Variants in GLIS3 observed in about 807,000 individuals in gnomAD.
The protein encoded by GLIS3 is zinc finger protein GLIS3.
A neutral mutation model predicts 78.6 loss-of-function variants in GLIS3; 53 were observed. That is an observed-to-expected ratio of 0.67 (90% CI 0.54 to 0.85). GLIS3 has a LOEUF of 0.85. Ranked by LOEUF, GLIS3 falls within the 40% of genes least tolerant of loss-of-function variation. GLIS3 has a pLI of 0.00. For synonymous variants in GLIS3, 684 were observed against 509.9 expected, an observed-to-expected ratio of 1.34 and a Z score of -4.60; for missense variants, 1,703 against 1,231.1, an observed-to-expected ratio of 1.38 and a Z score of -5.74.
At chr9:3,882,666 C>T (rs1821812177) in intron 7 of GLIS3, among the ~76,000 whole-genome samples, 1 of 152,200 alleles carries the variant, frequency 6.6e-6, no homozygotes, top group African/African-American at 2.4e-5. Flanking sequence ...AGCCCACATC[C>T]ATAGCCCTTC....
chr9:4,179,607 T>C (rs891386617), intron 2 of GLIS3, among the ~76,000 whole-genome samples: 2 of 152,130 alleles, frequency 1.3e-5, no homozygotes, highest in African/African-American at 4.8e-5. Context: ...TTAAAGATCA[T>C]CGTTTAAAAG....
At chr9:4,242,503 C>G (rs778632574) in intron 2 of GLIS3, among the ~76,000 whole-genome samples, 1 of 152,188 alleles carries the variant, frequency 6.6e-6, no homozygotes, top group Admixed American at 6.5e-5. Context: ...CTGATTCCGG[C>G]TACCTGCTGG....
At chr9:4,151,965 T>A (rs1416395886) in intron 2 of GLIS3, 1 of 162,162 alleles carries the variant, frequency 6.2e-6, no homozygotes, top group Admixed American at 6.5e-5. Flanking sequence ...AAACATCACG[T>A]AAAATTCAAT....
intron 2 of GLIS3, among the ~76,000 whole-genome samples, chr9:4,259,609 T>C (rs1395140812): frequency 6.6e-6 from 1 of 152,162 alleles, no homozygotes; most frequent in Non-Finnish European, 1.5e-5. Flanking sequence ...CAAAGTTAAA[T>C]GGGTGTGCTT....
chr9:4,350,932 T>C (rs1199101837), upstream of GLIS3, among the ~76,000 whole-genome samples: 4 of 152,234 alleles, frequency 2.6e-5, no homozygotes, highest in Non-Finnish European at 5.9e-5. Context: ...ACAAGGGCTC[T>C]TTGATCAATA....
At chr9:4,144,502 G>A (rs536824474) in intron 2 of GLIS3, among the ~76,000 whole-genome samples, 6 of 152,192 alleles carry the variant, frequency 3.9e-5, no homozygotes, top group East Asian at 1.9e-4. Flanking sequence ...TAATTAGATG[G>A]TTGTTTATAC....
chr9:4,393,766 GTACA>G, the GLIS3 span, among the ~76,000 whole-genome samples: 2 of 152,106 alleles, frequency 1.3e-5, no homozygotes, highest in Non-Finnish European at 2.9e-5. Flanking sequence ...ATATCAGGAG[GTACA>G]TTATGTTAGT....
At chr9:4,296,991 T>C (rs1816586852) in intron 1 of GLIS3, among the ~76,000 whole-genome samples, 1 of 151,376 alleles carries the variant, frequency 6.6e-6, no homozygotes, top group Non-Finnish European at 1.5e-5. Context: ...ACCTTCATCG[T>C]GGCGGATTCT....
In GLIS3 at chr9:3,829,332, G is replaced by C; in HGVS notation, c.2634C>G (p.Phe878Leu). 1.9e-6 allele frequency: 3 copies of C among 1,614,060 alleles called. No individual in the cohort carries two copies. The African/African-American group carries it at 4.0e-5, about 22-fold the overall frequency. ...CACCTGTAATGCCCGAGTGAGTCGA[G>C]AAGGCTCTGTGGAAAACATCAAAAC... The part of the protein sequence containing the change: ...QASFDVFHRA[F>L]STHSGITVYD... The change falls in exon 10 of 11, where the codon TTC (phenylalanine) becomes TTG (leucine). Residue 878 changes from phenylalanine (F) to leucine (L), a missense_variant. By Grantham distance (22) the Phe-to-Leu change is conservative. Coordinates refer to ENST00000381971, the MANE Select transcript of GLIS3 (RefSeq NM_001042413.2).
chr9:3,986,445 T>C (rs1005057365), intron 4 of GLIS3, among the ~76,000 whole-genome samples: 2 of 152,246 alleles, frequency 1.3e-5, no homozygotes, highest in Non-Finnish European at 2.9e-5. Flanking sequence ...AGCAGATTTA[T>C]GAAAACTGTG....
chr9:4,447,661 C>A, the GLIS3 span, among the ~76,000 whole-genome samples: 1 of 152,178 alleles, frequency 6.6e-6, no homozygotes, highest in African/African-American at 2.4e-5. Flanking sequence ...CTGACCTTTG[C>A]CTCCAGGTAC....
intron 2 of GLIS3, among the ~76,000 whole-genome samples, chr9:4,163,389 A>T (rs1354186675): frequency 2.0e-5 from 3 of 152,198 alleles, no homozygotes; most frequent in African/African-American, 7.2e-5. Context: ...ATTTAACATA[A>T]CAATTTCATT....
At chr9:4,332,442 C>T (rs765801449) in intron 2 of GLIS3, among the ~76,000 whole-genome samples, 5 of 152,198 alleles carry the variant, frequency 3.3e-5, no homozygotes, top group East Asian at 1.9e-4. Context: ...AGTATGGCCA[C>T]GTGACTAAGT....
intron 4 of GLIS3, among the ~76,000 whole-genome samples, chr9:4,034,029 C>T (rs187414066): frequency 8.6e-4 from 130 of 151,962 alleles, no homozygotes; most frequent in African/African-American, 3.1e-3. Context: ...CAATAACAGC[C>T]TAGGCAACAT....
chr9:4,059,744 G>C (rs1031434730), intron 4 of GLIS3, among the ~76,000 whole-genome samples: 10 of 151,264 alleles, frequency 6.6e-5, no homozygotes, highest in African/African-American at 2.4e-4. Context: ...CTTTGCCAGG[G>C]ATGAAAGCAG....
chr9:3,833,263 C>T (rs1255440776), intron 9 of GLIS3, among the ~76,000 whole-genome samples: 2 of 152,176 alleles, frequency 1.3e-5, no homozygotes, highest in African/African-American at 2.4e-5. Flanking sequence ...TAAATCTCTC[C>T]AAGTAGCCAG....
At chr9:4,268,621 T>C (rs1826225127) in intron 2 of GLIS3, among the ~76,000 whole-genome samples, 3 of 152,240 alleles carry the variant, frequency 2.0e-5, no homozygotes, top group African/African-American at 7.2e-5. Context: ...TTATTATTCA[T>C]AGGTATAATC....
the GLIS3 span, among the ~76,000 whole-genome samples, chr9:4,443,361 C>T: frequency 0.33 from 50,893 of 152,052 alleles, 8,702 homozygotes; most frequent in Middle Eastern, 0.46. Context: ...AAATATAAAT[C>T]TACTTTTCCA....
intron 4 of GLIS3, among the ~76,000 whole-genome samples, chr9:3,949,971 A>G (rs1170835313): frequency 1.3e-5 from 2 of 152,108 alleles, no homozygotes; most frequent in Non-Finnish European, 2.9e-5. Context: ...ACATCTCTAC[A>G]CTGAGGGCTC....
Sources: gnomAD v4.1 joint callset for allele counts (sites outside exome capture counted in the v4.1 genomes callset) on GRCh38, gnomAD v4.1.1 for gene constraint, MANE v1.5 for transcripts, NCBI Gene and HGNC (gene_info 2026-07-23, HGNC 2026-07-21) for gene names.